Variants in MSL1 observed in about 807,000 individuals in gnomAD.
MSL1 encodes male-specific lethal 1 homolog.
Under a neutral mutation model 64.6 loss-of-function variants are expected in MSL1, and 21 were observed. The observed-to-expected ratio is 0.33, with a 90% confidence interval of 0.23 to 0.47. The LOEUF is 0.47. MSL1 is among the 20% of genes least tolerant of loss of function. The pLI is 1.00. For missense variants in MSL1, 664 were observed against 793.2 expected (o/e 0.84, Z 1.96); for synonymous variants, 339 against 329.6 (o/e 1.03, Z -0.31).
At position 40,127,979 on chromosome 17, in the gene MSL1, C is replaced by T. The variant is rs541585552; in HGVS notation, c.993-1266C>T. 8.5e-5 allele frequency among the ~76,000 whole-genome samples: 13 copies of T among 152,072 alleles called. No individual in the cohort carries two copies. The East Asian group carries it at 1.9e-3, about 23-fold the overall frequency. ...CTCTACTAAAAATAGAAAAATTAGC[C>T]GGGTGTGGTGCATACACCTGTAGTC... On this transcript the variant is annotated intron_variant, in intron 2 of 8. Coordinates refer to ENST00000398532, the MANE Select transcript of MSL1 (RefSeq NM_001365919.1).
At chr17:40,126,515 T>C in intron 2 of MSL1, 109 bp downstream of exon 2, 1 of 1,057,922 alleles carries the variant, frequency 9.5e-7, no homozygotes, top group Non-Finnish European at 1.4e-6. Flanking sequence ...TTTAGAAGTC[T>C]TCTATGCGGA....
Position 40,122,944 on chromosome 17 carries a change from A to G in MSL1, c.332A>G (p.Gln111Arg). 6.6e-7 allele frequency: 1 copy of G among 1,522,678 alleles called. No homozygotes were observed. The highest frequency in any genetic ancestry group is 8.8e-7 in the Non-Finnish European group (1 of 1,142,022). 94.3% of individuals were successfully genotyped at this position (1,522,678 alleles called of 1,614,324 possible). Residue 111 changes from glutamine (Q) to arginine (R), a missense_variant, in exon 1 of 9, where the codon CAA becomes CGA. Physicochemically the swap from Gln to Arg is conservative, Grantham distance 43. Around this residue, in one of 4 missense-constraint regions of MSL1, gnomAD observed 466 missense variants for 499.0 expected, o/e 0.93. Coordinates refer to ENST00000398532, the MANE Select transcript of MSL1 (RefSeq NM_001365919.1). The surrounding 1 kb of genome is among the most constrained non-coding windows in gnomAD (Gnocchi z 4.2). ...CCCTGTCCGCCCCCGGCCACCAAGC[A>G]AGCCGGCATTGGGGGGGAGCCTGCC... ...PLPCPPPATKQAGIGGEPAAA... is the reference protein window; with the variant it reads ...PLPCPPPATKRAGIGGEPAAA...
intron 1 of MSL1, among the ~76,000 whole-genome samples, chr17:40,125,328 CAAATG>C (rs1199978535): frequency 1.3e-5 from 2 of 152,094 alleles, no homozygotes; most frequent in South Asian, 4.1e-4. Context: ...TTCTATTTTC[CAAATG>C]AAATGTTCAT....
At position 40,134,473 on chromosome 17, in the gene MSL1, G is replaced by A. The variant is rs1033237756; in HGVS notation, c.*104G>A. 22 of 879,602 alleles carry A rather than the reference G, an allele frequency of 2.5e-5. No individual in the cohort carries two copies. Among genetic ancestry groups the A allele is most frequent in the African/African-American group, 6.7e-5 (4 of 59,810 alleles). 54.5% of individuals were successfully genotyped at this position (879,602 alleles called of 1,614,324 possible). On this transcript the variant is annotated 3_prime_UTR_variant, in exon 9 of 9. Transcript: ENST00000398532. ...TTTGTCCTCACATATGTTATCACTCGCTGATAATACCCTTTCATACTTCCT... is the reference window on the plus strand; with the variant it reads ...TTTGTCCTCACATATGTTATCACTCACTGATAATACCCTTTCATACTTCCT...
intron 5 of MSL1, 76 bp downstream of exon 5, chr17:40,132,174 T>C: frequency 9.8e-7 from 1 of 1,024,656 alleles, no homozygotes; most frequent in Middle Eastern, 2.9e-4. Context: ...GAAAATGTCA[T>C]AGTACTATGG....
chr17:40,134,386 C>G lies in MSL1; in HGVS notation c.*17C>G. ...AGGAAATAGCTGTGCTGGCAAGAAC[C>G]CTGTCTTCAGATAGTTGTAGCATGC... On this transcript the variant is annotated 3_prime_UTR_variant, in exon 9 of 9. Coordinates refer to ENST00000398532, the MANE Select transcript of MSL1 (RefSeq NM_001365919.1). 1 of 1,549,416 alleles carries G rather than the reference C, an allele frequency of 6.5e-7. No individual in the cohort carries two copies. The highest frequency in any genetic ancestry group is 1.4e-5 in the African/African-American group (1 of 73,110).
At chr17:40,132,220 GAGAAATT>G (rs1313228249) in intron 5 of MSL1, 122 bp downstream of exon 5, 42 of 683,872 alleles carry the variant, frequency 6.1e-5, no homozygotes, top group Admixed American at 4.2e-4. Context: ...ACAGAAACTT[GAGAAATT>G]ATCTAGTCCA....
At position 40,122,375 on chromosome 17, in the gene MSL1, AGGCGGCGGC is replaced by A; in HGVS notation, c.-236_-228del. 3.8e-6 allele frequency: 1 copy of A among 263,638 alleles called. No homozygotes were observed. Among genetic ancestry groups the A allele is most frequent in the Non-Finnish European group, 7.1e-6 (1 of 141,650 alleles). The allele number at this position is 263,638 out of a possible 1,614,324, so 16.3% of individuals were successfully genotyped here. On this transcript the variant is annotated 5_prime_UTR_variant, in exon 1 of 9. Coordinates refer to ENST00000398532, the MANE Select transcript of MSL1 (RefSeq NM_001365919.1). The surrounding 1 kb of genome is among the most constrained non-coding windows in gnomAD (Gnocchi z 4.2). ...GCGAAGGCGGCGGCGGCGGCAGCAG[AGGCGGCGGC>A]GAGGCCCCCATGGGCCGGCGGCGGG...
chr17:40,129,457 C>T lies in MSL1; in HGVS notation c.1205C>T (p.Thr402Ile). ...GTGGACACCCCACCAAGACTCTCCA[C>T]TCCCCAAAAGGGACCCAGCACCCAT... ...SSVDTPPRLS[T>I]PQKGPSTHPK... The change falls in exon 3 of 9, where the codon ACT (threonine) becomes ATT (isoleucine). Residue 402 changes from threonine (T) to isoleucine (I), a missense_variant. Around this residue, in one of 4 missense-constraint regions of MSL1, gnomAD observed 119 missense variants for 164.3 expected, o/e 0.72. Coordinates refer to ENST00000398532, the MANE Select transcript of MSL1 (RefSeq NM_001365919.1). The T allele has an allele frequency of 6.2e-7, 1 of 1,613,790 alleles. No homozygotes were observed. Among genetic ancestry groups the T allele is most frequent in the Middle Eastern group, 1.7e-4 (1 of 6,058 alleles).
chr17:40,133,534 A>G lies in MSL1; in HGVS notation c.1557A>G (p.Arg519=). The change falls in exon 7 of 9, where the codon AGA becomes AGG. Residue 519 remains arginine (R), a splice_region_variant and synonymous_variant. Transcript: ENST00000398532. ...KLELDEKRRK[R]WDIQRIREQR... is the part of the protein sequence containing the mutation. ...GTTTTGTTTGGTTTGTTTTTCCCAG[A>G]TGGGATATTCAGAGGATCAGGGAAC... The G allele has an allele frequency of 6.2e-7, 1 of 1,608,786 alleles. No individual in the cohort carries two copies. The highest frequency in any genetic ancestry group is 8.5e-7 in the Non-Finnish European group (1 of 1,177,664).
chr17:40,129,582 T>A lies in MSL1; in HGVS notation c.1330T>A (p.Leu444Ile). The A allele has an allele frequency of 1.2e-6, 2 of 1,612,810 alleles. No homozygotes were observed. Among genetic ancestry groups the A allele is most frequent in the Non-Finnish European group, 1.7e-6 (2 of 1,179,428 alleles). ...CRWHQPPPSP[L>I]PLRESSPKKE... The stretch of plus-strand genomic sequence containing the variant: ...TTGGCACCAGCCTCCCCCATCACCG[T>A]TACCATTACGGGAATCCTCTCCAAA... Residue 444 changes from leucine to isoleucine, a missense_variant, in exon 3 of 9, where the codon TTA becomes ATA. Coordinates refer to ENST00000398532, the MANE Select transcript of MSL1 (RefSeq NM_001365919.1).
In MSL1 at chr17:40,132,057, G is replaced by A. The variant is rs751187337; in HGVS notation, c.1447G>A (p.Val483Ile). 23 of 1,601,688 alleles carry A rather than the reference G, an allele frequency of 1.4e-5. No individual in the cohort carries two copies. The highest frequency in any genetic ancestry group is 1.9e-5 in the Non-Finnish European group (22 of 1,173,510). ...AGTTCCTTCTTGGAGGGACCACTCA[G>A]TAGAGCCTCTAAGGGACCCAAATCC... The part of the protein sequence containing the change: ...LAVPSWRDHS[V>I]EPLRDPNPSD... Residue 483 changes from valine (V) to isoleucine (I), a missense_variant, in exon 5 of 9, where the codon GTA becomes ATA. By Grantham distance (29) the Val-to-Ile change is conservative (BLOSUM62 3). Transcript: ENST00000398532.
At position 40,136,079 on chromosome 17, in the gene MSL1, TCTTA is replaced by T. The variant is rs1988534182; in HGVS notation, c.*1713_*1716del. 6.6e-6 allele frequency: 1 copy of T among 152,338 alleles called. No individual in the cohort carries two copies. Among genetic ancestry groups the T allele is most frequent in the Non-Finnish European group, 1.5e-5 (1 of 68,028 alleles). 9.4% of individuals were successfully genotyped at this position (152,338 alleles called of 1,614,324 possible). A position where few individuals can be genotyped will look rare whatever the true frequency, so the allele number is the denominator to read the frequency against. On this transcript the variant is annotated 3_prime_UTR_variant, in exon 9 of 9. Coordinates refer to ENST00000398532, the MANE Select transcript of MSL1 (RefSeq NM_001365919.1). The stretch of plus-strand genomic sequence containing the variant: ...TTTAATGTGGCAGGCTGTTCAGTTT[TCTTA>T]CTCTTACCTATGTGATATTTCTTCG...
At position 40,133,899 on chromosome 17, in the gene MSL1, A is replaced by G; in HGVS notation, c.1754A>G (p.Gln585Arg). 3 of 1,613,118 alleles carry G rather than the reference A, an allele frequency of 1.9e-6. No individual in the cohort carries two copies. Among genetic ancestry groups the G allele is most frequent in the African/African-American group, 1.3e-5 (1 of 75,036 alleles). Residue 585 changes from glutamine to arginine, a missense_variant and splice_region_variant, in exon 8 of 9, where the codon CAG becomes CGG. Physicochemically the swap from Gln to Arg is conservative, Grantham distance 43 (BLOSUM62 1). Coordinates refer to ENST00000398532, the MANE Select transcript of MSL1 (RefSeq NM_001365919.1). ...FGRPLPKLTP[Q>R]NFELPWLDER... The stretch of plus-strand genomic sequence containing the variant: ...CGACCATTACCAAAATTAACTCCAC[A>G]GTAAGTATACATTTTTTTTCTCCCC...
In MSL1 at chr17:40,122,625, T is replaced by G; in HGVS notation, c.13T>G (p.Ser5Ala). The G allele has an allele frequency of 3.4e-6, 5 of 1,480,814 alleles. No homozygotes were observed. The highest frequency in any genetic ancestry group is 1.5e-5 in the African/African-American group (1 of 67,196). 91.7% of individuals were successfully genotyped at this position (1,480,814 alleles called of 1,614,324 possible). Residue 5 changes from serine to alanine, a missense_variant, in exon 1 of 9, where the codon TCC becomes GCC. By Grantham distance (99) the Ser-to-Ala change is moderately conservative. Coordinates refer to ENST00000398532, the MANE Select transcript of MSL1 (RefSeq NM_001365919.1). The surrounding 1 kb of genome is among the most constrained non-coding windows in gnomAD (Gnocchi z 4.2). The part of the protein sequence containing the change: MTMR[S>A]AVFKAAAAPA... ...GCTCCGGACCACTATGACCATGAGA[T>G]CCGCGGTGTTCAAGGCGGCCGCGGC...
At chr17:40,133,463 C>A in intron 6 of MSL1, 71 bp from the exon 7 acceptor site, 1 of 1,536,462 alleles carries the variant, frequency 6.5e-7, no homozygotes. Flanking sequence ...GTGTGAGTTG[C>A]TTTTATAGAG....
At chr17:40,133,930 G>C in intron 8 of MSL1, 31 bp downstream of exon 8, 1 of 1,576,920 alleles carries the variant, frequency 6.3e-7, no homozygotes, top group Non-Finnish European at 8.7e-7. Context: ...TCCCCTTCCA[G>C]GTAACCTGCA....
intron 1 of MSL1, among the ~76,000 whole-genome samples, chr17:40,125,538 C>T (rs1045040325): frequency 6.6e-6 from 1 of 152,158 alleles, no homozygotes; most frequent in Non-Finnish European, 1.5e-5. Context: ...GTAGGCTGGG[C>T]GCGGTGGCTC....
At position 40,123,398 on chromosome 17, in the gene MSL1, C is replaced by T. The variant is rs966192824; in HGVS notation, c.768+18C>T. 1.3e-6 allele frequency: 2 copies of T among 1,534,086 alleles called. No homozygotes were observed. The highest frequency in any genetic ancestry group is 1.2e-5 in the South Asian group (1 of 83,866). ...GAGACACGGTACGGGAGGGGTTAATCTGCATTCGGGCCGAGGAGCGAGTTG... is the reference window on the plus strand; with the variant it reads ...GAGACACGGTACGGGAGGGGTTAATTTGCATTCGGGCCGAGGAGCGAGTTG... On this transcript the variant is annotated intron_variant, in intron 1 of 8. Transcript: ENST00000398532.
Sources: allele counts gnomAD v4.1 joint callset (sites outside exome capture counted in the v4.1 genomes callset), GRCh38; gene constraint gnomAD v4.1.1; regional missense constraint gnomAD v4.1.1; non-coding constraint Gnocchi (gnomAD v3.1); transcripts MANE v1.5; gene names NCBI Gene and HGNC (gene_info 2026-07-23, HGNC 2026-07-21).